The following ATG10 variants were observed in gnomAD, a reference collection of about 807,000 sequenced individuals.
ATG10 encodes autophagy related 10.
A neutral mutation model predicts 32.1 loss-of-function variants in ATG10; 30 were observed. That is an observed-to-expected ratio of 0.94 (90% CI 0.70 to 1.27). ATG10 has a LOEUF of 1.27. Ranked by LOEUF, ATG10 falls within the 50% of genes most tolerant of loss-of-function variation. ATG10 has a pLI of 0.00. For missense variants in ATG10, 233 were observed against 262.3 expected (o/e 0.89, Z 0.77); for synonymous variants, 87 against 91.5 (o/e 0.95, Z 0.28).
chr5:82,046,052 T>C (rs745955824), intron 2 of ATG10, among the ~76,000 whole-genome samples: 2 of 152,152 alleles, frequency 1.3e-5, no homozygotes, highest in Admixed American at 6.5e-5. Flanking sequence ...ATCTGGCCTA[T>C]TGTCCCCAGG....
At chr5:82,105,607 T>G (rs1037899132) in intron 3 of ATG10, among the ~76,000 whole-genome samples, 1 of 152,064 alleles carries the variant, frequency 6.6e-6, no homozygotes, top group African/African-American at 2.4e-5. Context: ...AGCTCAGCAT[T>G]TTAGAGGTTG....
intron 2 of ATG10, among the ~76,000 whole-genome samples, chr5:82,051,775 T>C (rs1763434534): frequency 6.6e-6 from 1 of 152,206 alleles, no homozygotes; most frequent in South Asian, 2.1e-4. Context: ...GAGGATCTTC[T>C]ACATCCATAA....
chr5:82,123,538 G>T (rs149547893), intron 3 of ATG10, among the ~76,000 whole-genome samples: 102 of 144,690 alleles, frequency 7.0e-4, no homozygotes, highest in Middle Eastern at 7.2e-3. Flanking sequence ...AAAAAAAAAA[G>T]CATAATTAGA....
Position 82,164,202 on chromosome 5 carries a change from C to G in ATG10, c.217-197C>G, listed in dbSNP as rs565295004. 1.1e-3 allele frequency among the ~76,000 whole-genome samples: 174 copies of G among 152,162 alleles called. 2 individuals are homozygous for G. The highest frequency in any genetic ancestry group is 2.3e-3 in the Admixed American group (35 of 15,302). ...AAAAACAATCTGGAATTACTTAATG[C>G]TAATGTTTTCTGGTTTTACTATTTA... On this transcript the variant is annotated intron_variant, in intron 3 of 7. Coordinates refer to ENST00000282185, the MANE Select transcript of ATG10 (RefSeq NM_031482.5).
chr5:82,099,751 T>A (rs967112796), intron 3 of ATG10, among the ~76,000 whole-genome samples: 6 of 152,264 alleles, frequency 3.9e-5, no homozygotes, highest in Middle Eastern at 3.4e-3. Flanking sequence ...TTAAGGTCTT[T>A]AACATTTGCA....
intron 5 of ATG10, among the ~76,000 whole-genome samples, chr5:82,250,840 T>C (rs767682235): frequency 1.3e-5 from 2 of 152,232 alleles, no homozygotes; most frequent in Non-Finnish European, 2.9e-5. Context: ...TTGATTAATA[T>C]ATGTTGAATT....
chr5:82,016,800 T>C (rs1252597425), intron 2 of ATG10, among the ~76,000 whole-genome samples: 1 of 152,032 alleles, frequency 6.6e-6, no homozygotes, highest in African/African-American at 2.4e-5. Context: ...ACCATTCTCC[T>C]GCCTCAGCCT....
chr5:82,149,066 C>T (rs1311677359), intron 3 of ATG10, among the ~76,000 whole-genome samples: 1 of 152,076 alleles, frequency 6.6e-6, no homozygotes, highest in East Asian at 1.9e-4. Flanking sequence ...GTTATATACA[C>T]TTTAAACTCT....
In ATG10 at chr5:82,136,938, T is replaced by G. The variant is rs911329932; in HGVS notation, c.217-27461T>G. ...TCATTCTTTTTCTCTAATCTTGTCT[T>G]CATGCTTCATTTCATTAAGTTGATC... is the stretch of plus-strand genomic sequence containing the variant. On this transcript the variant is annotated intron_variant, in intron 3 of 7. Transcript: ENST00000282185. Among the ~76,000 whole-genome samples the G allele has an allele frequency of 6.6e-5, 10 of 152,134 alleles. 1 individual carries two copies. The South Asian group carries it at 1.2e-3, about 19-fold the overall frequency.
At chr5:82,105,171 G>A (rs1355983151) in intron 3 of ATG10, among the ~76,000 whole-genome samples, 1 of 152,026 alleles carries the variant, frequency 6.6e-6, no homozygotes, top group African/African-American at 2.4e-5. Flanking sequence ...ATTACTGTAA[G>A]GAATGCAAAA....
intron 2 of ATG10, among the ~76,000 whole-genome samples, chr5:82,023,263 A>G (rs1762499592): frequency 6.6e-6 from 1 of 152,108 alleles, no homozygotes; most frequent in African/African-American, 2.4e-5. Context: ...TTATAGTAGC[A>G]CATATATTTA....
intron 5 of ATG10, among the ~76,000 whole-genome samples, chr5:82,229,236 C>A (rs934535656): frequency 6.6e-6 from 1 of 152,154 alleles, no homozygotes; most frequent in Non-Finnish European, 1.5e-5. Flanking sequence ...TTACTTCATG[C>A]TGGAGATGGC....
chr5:82,137,625 A>G (rs1004260101), intron 3 of ATG10, among the ~76,000 whole-genome samples: 11 of 152,132 alleles, frequency 7.2e-5, no homozygotes, highest in Non-Finnish European at 1.3e-4. Flanking sequence ...TGCCAGCCAG[A>G]GCTCTCCTGT....
chr5:82,178,413 C>T, intron 4 of ATG10, 77 bp from the exon 5 acceptor site: 1 of 844,082 alleles, frequency 1.2e-6, no homozygotes, highest in Non-Finnish European at 2.0e-6. Context: ...GATATTCTTC[C>T]AGGAGTTTTA....
At chr5:81,973,640 AT>A (rs1224909220) in intron 1 of ATG10, among the ~76,000 whole-genome samples, 1 of 152,228 alleles carries the variant, frequency 6.6e-6, no homozygotes, top group African/African-American at 2.4e-5. Flanking sequence ...AAACAAGTTT[AT>A]GCTTCTCAGG....
chr5:82,155,549 C>A (rs1245092915), intron 3 of ATG10, among the ~76,000 whole-genome samples: 1 of 152,030 alleles, frequency 6.6e-6, no homozygotes, highest in African/African-American at 2.4e-5. Flanking sequence ...AGACCTATGG[C>A]CCACACAGAA....
chr5:82,211,155 C>T (rs1463823117), intron 5 of ATG10, among the ~76,000 whole-genome samples: 6 of 152,116 alleles, frequency 3.9e-5, no homozygotes, highest in Non-Finnish European at 7.4e-5. Context: ...AACACTGAAT[C>T]GACTTCTTTC....
chr5:82,089,306 C>T (rs528174056), intron 3 of ATG10, among the ~76,000 whole-genome samples: 60 of 151,760 alleles, frequency 4.0e-4, no homozygotes, highest in African/African-American at 1.4e-3. Flanking sequence ...TGCACCATTG[C>T]ACTCTAGCCT....
intron 5 of ATG10, among the ~76,000 whole-genome samples, chr5:82,229,413 C>T (rs1746259324): frequency 6.6e-6 from 1 of 152,158 alleles, no homozygotes; most frequent in Non-Finnish European, 1.5e-5. Flanking sequence ...GTTTGACAGG[C>T]ACAATTTTGA....
Sources: gnomAD v4.1 joint callset for allele counts (sites outside exome capture counted in the v4.1 genomes callset) on GRCh38, gnomAD v4.1.1 for gene constraint, MANE v1.5 for transcripts, NCBI Gene and HGNC (gene_info 2026-07-23, HGNC 2026-07-21) for gene names.